Variants in KCNQ5 observed in about 807,000 individuals in gnomAD.
The protein encoded by KCNQ5 is potassium voltage-gated channel subfamily Q member 5.
In KCNQ5, 30 loss-of-function variants were observed where a neutral mutation model predicts 98.2. That is an observed-to-expected ratio of 0.31 (90% confidence interval 0.23 to 0.41). The LOEUF is 0.41. Among genes scored for constraint, KCNQ5 ranks in the 10% least tolerant of loss-of-function variants. The probability of loss-of-function intolerance (pLI) is 1.00; values close to 1 mark genes in which losing one functional copy is unlikely to be tolerated. For synonymous variants in KCNQ5, 458 were observed against 449.4 expected (o/e 1.02, Z -0.24); for missense variants, 835 against 1,182.5 (o/e 0.71, Z 4.31).
chr6:73,002,475 A>G (rs966312792), intron 1 of KCNQ5, among the ~76,000 whole-genome samples: 1 of 152,230 alleles, frequency 6.6e-6, no homozygotes, highest in African/African-American at 2.4e-5. Flanking sequence ...TGGGGATAAC[A>G]TAGAGATAAT....
rs1457092123 is a variant in KCNQ5 at position 72,747,420 on chromosome 6, G to A, written c.398+124833G>A. On this transcript the variant is annotated intron_variant, in intron 1 of 13. Coordinates refer to ENST00000370398, the MANE Select transcript of KCNQ5 (RefSeq NM_019842.4). ...ACAATTCTGTTGAAAATAGTTCCTC[G>A]GGCTTCATGGGACTGCCAAAGTGGC... Among the ~76,000 whole-genome samples the A allele has an allele frequency of 4.0e-5, 6 of 151,734 alleles. No individual in the cohort carries two copies. In the South Asian group the frequency reaches 6.2e-4, roughly 16 times the overall value.
At chr6:72,936,348 G>C (rs1441782049) in intron 1 of KCNQ5, among the ~76,000 whole-genome samples, 1 of 152,120 alleles carries the variant, frequency 6.6e-6, no homozygotes, top group East Asian at 1.9e-4. Context: ...CAGAATGAAA[G>C]CTCTGTGGGG....
chr6:72,874,871 T>G (rs939362963), intron 1 of KCNQ5, among the ~76,000 whole-genome samples: 1 of 152,194 alleles, frequency 6.6e-6, no homozygotes, highest in Non-Finnish European at 1.5e-5. Flanking sequence ...GAAAAACACA[T>G]TTCTCAAAAA....
At chr6:72,731,910 T>A (rs541439981) in intron 1 of KCNQ5, among the ~76,000 whole-genome samples, 11 of 152,308 alleles carry the variant, frequency 7.2e-5, no homozygotes, top group African/African-American at 2.2e-4. Context: ...GGAAAGTGAA[T>A]AAAATGAGTA....
intron 1 of KCNQ5, among the ~76,000 whole-genome samples, chr6:72,735,008 T>A (rs1770755821): frequency 1.3e-5 from 2 of 152,212 alleles, no homozygotes; most frequent in African/African-American, 2.4e-5. Flanking sequence ...TCTCTAAGCC[T>A]TCTACATTGG....
intron 1 of KCNQ5, among the ~76,000 whole-genome samples, chr6:72,933,230 A>G (rs1209312032): frequency 6.6e-6 from 1 of 152,234 alleles, no homozygotes; most frequent in Non-Finnish European, 1.5e-5. Context: ...TTTTAATTAC[A>G]TTAGGATTTA....
intron 9 of KCNQ5, chr6:73,129,931 C>A: frequency 1.9e-6 from 2 of 1,058,414 alleles, no homozygotes; most frequent in East Asian, 2.5e-5. Flanking sequence ...ACCGCCACCC[C>A]ACCTGAGCCC....
chr6:72,934,791 T>C (rs947903199), intron 1 of KCNQ5, among the ~76,000 whole-genome samples: 5 of 152,208 alleles, frequency 3.3e-5, no homozygotes, highest in Admixed American at 3.3e-4. Context: ...TGATCAACAA[T>C]GTCAGTCAAC....
At chr6:72,625,414 T>A (rs1398978177) in intron 1 of KCNQ5, among the ~76,000 whole-genome samples, 1 of 152,220 alleles carries the variant, frequency 6.6e-6, no homozygotes, top group Admixed American at 6.5e-5. Context: ...ATCTTCAACT[T>A]TTCTTCATTT....
At chr6:72,909,176 G>C (rs562164690) in intron 1 of KCNQ5, among the ~76,000 whole-genome samples, 1 of 152,088 alleles carries the variant, frequency 6.6e-6, no homozygotes, top group Admixed American at 6.6e-5. Flanking sequence ...GAAAAATGTA[G>C]GTGTAAGGGG....
chr6:72,910,544 T>G (rs1272676742), intron 1 of KCNQ5, among the ~76,000 whole-genome samples: 1 of 148,138 alleles, frequency 6.8e-6, no homozygotes, highest in African/African-American at 2.5e-5. Flanking sequence ...GTAACTCTTA[T>G]AGAATGGAAA....
In KCNQ5 at chr6:73,000,701, T is replaced by C. The variant is rs145051269; in HGVS notation, c.399-3207T>C. On this transcript the variant is annotated intron_variant, in intron 1 of 13. Transcript: ENST00000370398. ...AGCATCCCTTCAGTCTCCCTGTTTA[T>C]TCCATTCTCATTTCTACTATGTTCA... is the stretch of plus-strand genomic sequence containing the variant. 4.3e-3 allele frequency among the ~76,000 whole-genome samples: 655 copies of C among 152,300 alleles called. 3 individuals are homozygous for C. The highest frequency in any genetic ancestry group is 0.015 in the African/African-American group (621 of 41,562).
intron 1 of KCNQ5, among the ~76,000 whole-genome samples, chr6:72,773,423 A>T (rs1314013820): frequency 6.6e-6 from 1 of 152,050 alleles, no homozygotes; most frequent in Non-Finnish European, 1.5e-5. Context: ...GGACACAGGG[A>T]GGGGAATATC....
intron 1 of KCNQ5, among the ~76,000 whole-genome samples, chr6:72,958,299 G>T (rs560702236): frequency 3.3e-5 from 5 of 152,084 alleles, no homozygotes; most frequent in Non-Finnish European, 5.9e-5. Context: ...GATTTGATAG[G>T]GATTGTTTCA....
chr6:73,170,701 AG>A (rs577794828), intron 11 of KCNQ5, among the ~76,000 whole-genome samples: 92 of 152,178 alleles, frequency 6.0e-4, no homozygotes, highest in African/African-American at 2.2e-3. Flanking sequence ...TCGGAGGCTG[AG>A]GGGGGCAGAT....
intron 1 of KCNQ5, among the ~76,000 whole-genome samples, chr6:72,757,405 G>T (rs1278881971): frequency 1.3e-5 from 2 of 152,146 alleles, no homozygotes; most frequent in Admixed American, 6.5e-5. Context: ...TAAAGTCATT[G>T]TAAGTTGAAA....
intron 1 of KCNQ5, among the ~76,000 whole-genome samples, chr6:72,785,861 C>T (rs1318618807): frequency 3.3e-5 from 5 of 152,074 alleles, no homozygotes; most frequent in African/African-American, 1.2e-4. Flanking sequence ...CATCCATTCC[C>T]GCAATAAACA....
chr6:73,026,058 T>C (rs1770876224), intron 2 of KCNQ5, among the ~76,000 whole-genome samples: 1 of 152,234 alleles, frequency 6.6e-6, no homozygotes, highest in South Asian at 2.1e-4. Flanking sequence ...TTATGAGTCT[T>C]GTCCCAGTTT....
At chr6:72,807,255 G>A (rs1361679408) in intron 1 of KCNQ5, among the ~76,000 whole-genome samples, 1 of 151,860 alleles carries the variant, frequency 6.6e-6, no homozygotes, top group African/African-American at 2.4e-5. Flanking sequence ...TTAGTTAATT[G>A]TAAATACTCA....
Sources: allele counts gnomAD v4.1 joint callset (sites outside exome capture counted in the v4.1 genomes callset), GRCh38; gene constraint gnomAD v4.1.1; transcripts MANE v1.5; gene names NCBI Gene and HGNC (gene_info 2026-07-23, HGNC 2026-07-21).